The following C14orf132 variants were observed in gnomAD, a reference collection of about 807,000 sequenced individuals.
The protein encoded by C14orf132 is chromosome 14 open reading frame 132, also known as uncharacterized protein C14orf132.
In C14orf132, 6 loss-of-function variants were observed where a neutral mutation model predicts 5.8. The observed-to-expected ratio is 1.03, with a 90% CI of 0.57 to 2.04. The LOEUF (loss-of-function observed/expected upper bound fraction) is 2.04, where lower values mean the gene tolerates loss of function less well. C14orf132 is among the 30% of genes most tolerant of loss of function. The pLI is 0.00. For synonymous variants in C14orf132, 51 were observed against 49.8 expected (o/e 1.02, Z -0.10); for missense variants, 125 against 115.8 (o/e 1.08, Z -0.37).
intron 1 of C14orf132, among the ~76,000 whole-genome samples, chr14:96,068,626 G>C (rs1007566867): frequency 6.6e-6 from 1 of 152,154 alleles, no homozygotes; most frequent in Non-Finnish European, 1.5e-5. Flanking sequence ...GGGAGCAGCA[G>C]CCGCTTACTA....
chr14:96,047,947 G>A (rs1886878069), intron 1 of C14orf132, among the ~76,000 whole-genome samples: 2 of 152,154 alleles, frequency 1.3e-5, no homozygotes. Flanking sequence ...CAGAACTTTG[G>A]GAGGCCGAGG....
At chr14:96,078,570 G>A (rs906251491) in intron 1 of C14orf132, among the ~76,000 whole-genome samples, 13 of 152,154 alleles carry the variant, frequency 8.5e-5, no homozygotes, top group African/African-American at 1.4e-4. Flanking sequence ...TGCCGGCACC[G>A]CAAGCATTTT....
intron 1 of C14orf132, among the ~76,000 whole-genome samples, chr14:96,060,993 A>G (rs1835568194): frequency 6.6e-6 from 1 of 152,196 alleles, no homozygotes; most frequent in Admixed American, 6.5e-5. Context: ...CCTTCCCAGA[A>G]CATGCACCAT....
In C14orf132 at chr14:96,086,918, A is replaced by G. The variant is rs937982615; in HGVS notation, c.*183A>G. On this transcript the variant is annotated 3_prime_UTR_variant, in exon 2 of 2. Coordinates refer to ENST00000555004, the MANE Select transcript of C14orf132 (RefSeq NM_001252507.3). ...TCCCATGTTGTGGTCAAGCTGAGTC[A>G]GAAGACATGGAAGTATGGGCCTCCT... 2.4e-5 allele frequency: 16 copies of G among 667,464 alleles called. No homozygotes were observed. Among genetic ancestry groups the G allele is most frequent in the East Asian group, 2.2e-4 (8 of 36,328 alleles). 41.3% of individuals were successfully genotyped at this position (667,464 alleles called of 1,614,324 possible). A position where few individuals can be genotyped will look rare whatever the true frequency, so the allele number is the denominator to read the frequency against.
intron 1 of C14orf132, among the ~76,000 whole-genome samples, chr14:96,084,368 T>C (rs777191743): frequency 1.3e-5 from 2 of 152,140 alleles, no homozygotes; most frequent in Non-Finnish European, 2.9e-5. Flanking sequence ...CTGAGCCTGC[T>C]TTCCAAGAGG....
At chr14:96,086,138 T>C (rs1436260939) in intron 1 of C14orf132, among the ~76,000 whole-genome samples, 1 of 152,222 alleles carries the variant, frequency 6.6e-6, no homozygotes, top group African/African-American at 2.4e-5. Context: ...GCATATATTA[T>C]TTTTAAAATT....
intron 1 of C14orf132, among the ~76,000 whole-genome samples, chr14:96,060,753 G>C (rs892036644): frequency 6.6e-6 from 1 of 152,112 alleles, no homozygotes; most frequent in African/African-American, 2.4e-5. Context: ...CAGTGCCAGG[G>C]ACTCAGCCCA....
Position 96,086,975 on chromosome 14 carries a change from A to G in C14orf132, c.*240A>G. ...AGAGGCATGACGGGGCAAGGCCTTC[A>G]GAGGGCAGATTGGGGATCCTTGAAA... On this transcript the variant is annotated 3_prime_UTR_variant, in exon 2 of 2. Transcript: ENST00000555004. 1.8e-6 allele frequency: 1 copy of G among 560,032 alleles called. No homozygotes were observed. Among genetic ancestry groups the G allele is most frequent in the Non-Finnish European group, 3.2e-6 (1 of 315,400 alleles). The allele number at this position is 560,032 out of a possible 1,614,324, so 34.7% of individuals were successfully genotyped here.
At chr14:96,080,276 A>C (rs1005134693) in intron 1 of C14orf132, among the ~76,000 whole-genome samples, 6 of 152,198 alleles carry the variant, frequency 3.9e-5, no homozygotes, top group Non-Finnish European at 8.8e-5. Flanking sequence ...CTCCAGGCCC[A>C]GAGCAGTGTG....
chr14:96,067,833 C>G (rs142936986), intron 1 of C14orf132, among the ~76,000 whole-genome samples: 185 of 152,226 alleles, frequency 1.2e-3, no homozygotes, highest in Non-Finnish European at 2.2e-3. Context: ...AAGCAGCCCT[C>G]TTTGTCCTGC....
intron 1 of C14orf132, chr14:96,051,311 G>T (rs574776517): frequency 1.8e-4 from 71 of 398,170 alleles, no homozygotes; most frequent in Non-Finnish European, 3.0e-4. Context: ...CCAGAGTTGG[G>T]CAGTTCAGTG....
rs1166474690 is a variant in C14orf132, at chr14:96,039,933, ACT to A, written c.27+409_27+410del. 6.7e-6 allele frequency among the ~76,000 whole-genome samples: 1 copy of A among 149,776 alleles called. No individual in the cohort carries two copies. Among genetic ancestry groups the A allele is most frequent in the Non-Finnish European group, 1.5e-5 (1 of 67,488 alleles). Reference sequence around the variant, plus strand: ...TGGGCACACAGTCTCGCCCTTCCCCACTCTGTTTTCCCGAGGCGCCAGTAATC... The same window carrying A: ...TGGGCACACAGTCTCGCCCTTCCCCACTGTTTTCCCGAGGCGCCAGTAATC... On this transcript the variant is annotated intron_variant, in intron 1 of 1. Coordinates refer to ENST00000555004, the MANE Select transcript of C14orf132 (RefSeq NM_001252507.3). The surrounding 1 kb of genome is among the most constrained non-coding windows in gnomAD (Gnocchi z 5.3).
At chr14:96,078,564 G>T (rs1429560100) in intron 1 of C14orf132, among the ~76,000 whole-genome samples, 1 of 152,114 alleles carries the variant, frequency 6.6e-6, no homozygotes, top group Non-Finnish European at 1.5e-5. Flanking sequence ...TATCTGTGCC[G>T]GCACCGCAAG....
Position 96,090,406 on chromosome 14 carries a change from G to GA in C14orf132, c.*3675dup. ...ACTCTGTCTCAAAAAAAAAAAAAAAGAAAAGAAAAAAAAAAAGAGCAACTT... is the reference window on the plus strand; with the variant it reads ...ACTCTGTCTCAAAAAAAAAAAAAAAGAAAAAGAAAAAAAAAAAGAGCAACTT... On this transcript the variant is annotated 3_prime_UTR_variant, in exon 2 of 2. Transcript: ENST00000555004. The GA allele has an allele frequency of 7.8e-6, 2 of 257,998 alleles. No homozygotes were observed. Among genetic ancestry groups the GA allele is most frequent in the South Asian group, 3.9e-5 (1 of 25,626 alleles). The allele number at this position is 257,998 out of a possible 1,614,324, so 16.0% of individuals were successfully genotyped here. A position where few individuals can be genotyped will look rare whatever the true frequency, so the allele number is the denominator to read the frequency against.
rs1888370007 is a variant in C14orf132 at position 96,090,699 on chromosome 14, A to G, written c.*3964A>G. 2.2e-6 allele frequency: 1 copy of G among 455,932 alleles called. No homozygotes were observed. Among genetic ancestry groups the G allele is most frequent in the Non-Finnish European group, 4.4e-6 (1 of 226,786 alleles). The allele number at this position is 455,932 out of a possible 1,614,324, so 28.2% of individuals were successfully genotyped here. A position where few individuals can be genotyped will look rare whatever the true frequency, so the allele number is the denominator to read the frequency against. Reference sequence around the variant, plus strand: ...CAGATCCCCCAGGATCTGAGGGAGAAAGGATGGGAGGAGGGGCAGCAGCAT... The same window carrying G: ...CAGATCCCCCAGGATCTGAGGGAGAGAGGATGGGAGGAGGGGCAGCAGCAT... On this transcript the variant is annotated 3_prime_UTR_variant, in exon 2 of 2. Transcript: ENST00000555004.
chr14:96,039,564 A>T lies in C14orf132; in HGVS notation c.27+37A>T. The T allele has an allele frequency of 6.7e-7, 1 of 1,490,122 alleles. No individual in the cohort carries two copies. The highest frequency in any genetic ancestry group is 8.9e-7 in the Non-Finnish European group (1 of 1,121,588). The allele number at this position is 1,490,122 out of a possible 1,614,324, so 92.3% of individuals were successfully genotyped here. On this transcript the variant is annotated intron_variant, in intron 1 of 1. Coordinates refer to ENST00000555004, the MANE Select transcript of C14orf132 (RefSeq NM_001252507.3). The surrounding 1 kb of genome is among the most constrained non-coding windows in gnomAD (Gnocchi z 5.3). Reference sequence around the variant, plus strand: ...TCCCCCCCACGCGCCCCGGGCCGCCAAGTTTGGGGAGGTTCGGGGCCACGG... The same window carrying T: ...TCCCCCCCACGCGCCCCGGGCCGCCTAGTTTGGGGAGGTTCGGGGCCACGG...
chr14:96,077,359 C>A (rs1055594632), intron 1 of C14orf132, among the ~76,000 whole-genome samples: 8 of 152,182 alleles, frequency 5.3e-5, no homozygotes, highest in African/African-American at 1.9e-4. Flanking sequence ...GAAACCCTAA[C>A]TCCCAATACC....
intron 1 of C14orf132, among the ~76,000 whole-genome samples, chr14:96,073,654 AC>A (rs777049840): frequency 6.6e-6 from 1 of 152,226 alleles, no homozygotes; most frequent in Non-Finnish European, 1.5e-5. Flanking sequence ...AAGCAGAAAT[AC>A]CATTTGACCC....
rs72631652 is a variant in C14orf132 at position 96,068,907 on chromosome 14, G to A, written c.28-17604G>A. Among the ~76,000 whole-genome samples, 394 of 152,056 alleles carry A rather than the reference G, an allele frequency of 2.6e-3. 8 individuals are homozygous for A. In the East Asian group the frequency reaches 0.073, roughly 28 times the overall value. ...TAAAGCAGATGATCCTCTCCAATGT[G>A]AGTGGCATCAACCAGTCCACTGAGG... On this transcript the variant is annotated intron_variant, in intron 1 of 1. Coordinates refer to ENST00000555004, the MANE Select transcript of C14orf132 (RefSeq NM_001252507.3).
Sources: allele counts gnomAD v4.1 joint callset (sites outside exome capture counted in the v4.1 genomes callset), GRCh38; gene constraint gnomAD v4.1.1; non-coding constraint Gnocchi (gnomAD v3.1); transcripts MANE v1.5; gene names NCBI Gene and HGNC (gene_info 2026-07-23, HGNC 2026-07-21).